FAT3: variants seen among roughly 807,000 people sequenced by gnomAD.
The protein encoded by FAT3 is FAT atypical cadherin 3.
Under a neutral mutation model 310.2 loss-of-function variants are expected in FAT3, and 95 were observed. That is an observed-to-expected ratio of 0.31 (90% CI 0.26 to 0.36). The LOEUF is 0.36. FAT3 is among the 10% of genes least tolerant of loss of function. The probability of loss-of-function intolerance (pLI) is 1.00; values close to 1 mark genes in which losing one functional copy is unlikely to be tolerated. For synonymous variants in FAT3, 2,314 were observed against 2,192.9 expected (o/e 1.06, Z -1.54); for missense variants, 5,408 against 5,715.6 (o/e 0.95, Z 1.74).
intron 2 of FAT3, among the ~76,000 whole-genome samples, chr11:92,504,002 A>G (rs1363920223): frequency 2.0e-5 from 3 of 152,186 alleles, no homozygotes; most frequent in Admixed American, 2.0e-4. Context: ...TACTGCTGTC[A>G]TCTGAATTCA....
chr11:92,827,777 C>T (rs1462746468), intron 13 of FAT3, among the ~76,000 whole-genome samples: 1 of 152,170 alleles, frequency 6.6e-6, no homozygotes, highest in East Asian at 1.9e-4. Context: ...TATCCCACTC[C>T]ACAAATTGCC....
At chr11:92,415,466 G>C (rs967079772) in intron 2 of FAT3, among the ~76,000 whole-genome samples, 1 of 152,180 alleles carries the variant, frequency 6.6e-6, no homozygotes, top group Non-Finnish European at 1.5e-5. Flanking sequence ...CTGTCCTCCT[G>C]CATCACTGGA....
intron 3 of FAT3, among the ~76,000 whole-genome samples, chr11:92,566,925 A>G (rs543928658): frequency 3.0e-4 from 46 of 152,170 alleles, no homozygotes; most frequent in South Asian, 2.1e-4. Context: ...ACCTAAAACC[A>G]TAAAAACCGT....
chr11:92,236,623 A>G (rs1230797145), intron 1 of FAT3, among the ~76,000 whole-genome samples: 1 of 152,216 alleles, frequency 6.6e-6, no homozygotes, highest in African/African-American at 2.4e-5. Flanking sequence ...AGCATGAGAA[A>G]TGTGTAATGC....
At chr11:92,378,150 G>A (rs1034503269) in intron 2 of FAT3, among the ~76,000 whole-genome samples, 1 of 152,110 alleles carries the variant, frequency 6.6e-6, no homozygotes, top group African/African-American at 2.4e-5. Context: ...AAGGATTTTA[G>A]CTTACATTTA....
chr11:92,865,429 T>G (rs534416088), intron 21 of FAT3, among the ~76,000 whole-genome samples: 1 of 152,202 alleles, frequency 6.6e-6, no homozygotes, highest in South Asian at 2.1e-4. Context: ...TGTCATTTCC[T>G]TTCCTTTTCT....
intron 3 of FAT3, among the ~76,000 whole-genome samples, chr11:92,530,515 T>G (rs1565388121): frequency 6.6e-6 from 1 of 152,052 alleles, no homozygotes; most frequent in Non-Finnish European, 1.5e-5. Context: ...TTTTATCAAG[T>G]GGAGAAAAAT....
chr11:92,810,247 G>A (rs1947632458), intron 13 of FAT3, among the ~76,000 whole-genome samples, 171 bp downstream of exon 13: 1 of 152,218 alleles, frequency 6.6e-6, no homozygotes, highest in African/African-American at 2.4e-5. Flanking sequence ...ATATGCATGA[G>A]AAAAGTCTGC....
At chr11:92,821,733 G>A (rs997428954) in intron 13 of FAT3, among the ~76,000 whole-genome samples, 1 of 152,136 alleles carries the variant, frequency 6.6e-6, no homozygotes, top group Non-Finnish European at 1.5e-5. Context: ...GAGAAATTAA[G>A]GTTCAAAAAC....
At chr11:92,491,438 G>A (rs554203627) in intron 2 of FAT3, among the ~76,000 whole-genome samples, 1 of 152,156 alleles carries the variant, frequency 6.6e-6, no homozygotes, top group East Asian at 1.9e-4. Context: ...AACCTTGTGG[G>A]AAGAATCAGG....
chr11:92,238,828 G>A (rs911607643), intron 1 of FAT3, among the ~76,000 whole-genome samples: 3 of 151,920 alleles, frequency 2.0e-5, no homozygotes, highest in Non-Finnish European at 2.9e-5. Context: ...AAAGAATCCT[G>A]AAAAAAACAG....
intron 2 of FAT3, among the ~76,000 whole-genome samples, chr11:92,478,786 A>C (rs1952117664): frequency 6.6e-6 from 1 of 151,636 alleles, no homozygotes; most frequent in African/African-American, 2.4e-5. Context: ...TTGGCTACTA[A>C]AAATTTTTTG....
At position 92,257,681 on chromosome 11, in the gene FAT3, C is replaced by T. The variant is rs770783066; in HGVS notation, c.-18+32507C>T. Among the ~76,000 whole-genome samples the T allele has an allele frequency of 8.5e-5, 13 of 152,218 alleles. 1 individual carries two copies. The highest frequency in any genetic ancestry group is 1.9e-4 in the Non-Finnish European group (13 of 68,006). On this transcript the variant is annotated intron_variant, in intron 1 of 27. Transcript: ENST00000525166. The stretch of plus-strand genomic sequence containing the variant: ...GACATGTGGAAGAGAAGAAATCAGA[C>T]TGATGCATGATTGGAAACTCAGAAT...
chr11:92,426,474 G>A lies in FAT3; in HGVS notation c.3292+71070G>A, dbSNP rs74842746. Among the ~76,000 whole-genome samples, 796 of 152,208 alleles carry A rather than the reference G, an allele frequency of 5.2e-3. 8 individuals are homozygous for A. Among genetic ancestry groups the A allele is most frequent in the East Asian group, 0.019 (101 of 5,182 alleles). ...CCATGCCTATGTCCTGAAAGGTATT[G>A]CCTGTATTTTCTTCTAGCGTTTTTA... On this transcript the variant is annotated intron_variant, in intron 2 of 27. Transcript: ENST00000525166.
At chr11:92,283,493 T>C (rs576318185) in intron 1 of FAT3, among the ~76,000 whole-genome samples, 3 of 152,294 alleles carry the variant, frequency 2.0e-5, no homozygotes, top group Admixed American at 6.5e-5. Context: ...TTTTCATGGT[T>C]TGGGTTTCAG....
intron 4 of FAT3, among the ~76,000 whole-genome samples, chr11:92,721,162 G>A (rs1944847435): frequency 6.6e-6 from 1 of 152,096 alleles, no homozygotes; most frequent in African/African-American, 2.4e-5. Flanking sequence ...TGTTTGTTTA[G>A]CAACAATGTA....
At chr11:92,332,351 TGGTG>T (rs1232436593) in intron 1 of FAT3, among the ~76,000 whole-genome samples, 1 of 152,232 alleles carries the variant, frequency 6.6e-6, no homozygotes, top group African/African-American at 2.4e-5. Flanking sequence ...CATAATAACA[TGGTG>T]GGTAAGAGCC....
intron 4 of FAT3, among the ~76,000 whole-genome samples, chr11:92,698,938 C>G (rs1944017647): frequency 6.6e-6 from 1 of 152,114 alleles, no homozygotes; most frequent in Non-Finnish European, 1.5e-5. Context: ...CACTTATGGC[C>G]CAGTCCCTTG....
chr11:92,772,147 A>G (rs1946475915), intron 6 of FAT3, among the ~76,000 whole-genome samples: 1 of 152,212 alleles, frequency 6.6e-6, no homozygotes, highest in Non-Finnish European at 1.5e-5. Flanking sequence ...AAATAATATC[A>G]TGACCCAAAG....
Sources: gnomAD v4.1 joint callset for allele counts (sites outside exome capture counted in the v4.1 genomes callset) on GRCh38, gnomAD v4.1.1 for gene constraint, MANE v1.5 for transcripts, NCBI Gene and HGNC (gene_info 2026-07-23, HGNC 2026-07-21) for gene names.